Variants in FNDC1 observed in about 807,000 individuals in gnomAD.
The protein encoded by FNDC1 is fibronectin type III domain containing 1.
FNDC1 carries 96 observed loss-of-function variants against 168.0 expected under a neutral mutation model. The observed-to-expected ratio is 0.57, with a 90% CI of 0.48 to 0.68. The LOEUF is 0.68. FNDC1 is among the 30% of genes least tolerant of loss of function. The pLI, the probability that FNDC1 is intolerant of heterozygous loss-of-function variation, is 0.00. For missense variants in FNDC1, 2,587 were observed against 2,482.1 expected (o/e 1.04, Z -0.90); for synonymous variants, 1,099 against 1,025.9 (o/e 1.07, Z -1.36).
intron 4 of FNDC1, among the ~76,000 whole-genome samples, chr6:159,202,322 A>G (rs1279904613): frequency 6.6e-6 from 1 of 152,270 alleles, no homozygotes; most frequent in Non-Finnish European, 1.5e-5. Context: ...TAATAAAAAT[A>G]ATAATTTATG....
At chr6:159,223,997 G>A (rs1782900630) in intron 7 of FNDC1, among the ~76,000 whole-genome samples, 1 of 152,206 alleles carries the variant, frequency 6.6e-6, no homozygotes, top group Admixed American at 6.5e-5. Flanking sequence ...CATGCACAGG[G>A]TCCACTTTGG....
intron 1 of FNDC1, among the ~76,000 whole-genome samples, chr6:159,195,613 A>AGCACAGAAATTATTCTGTGCTGT (rs1397894634): frequency 6.6e-6 from 1 of 152,202 alleles, no homozygotes; most frequent in Non-Finnish European, 1.5e-5. Flanking sequence ...TGTGTGACTC[A>AGCACAGAAATTATTCTGTGCTGT]GCACAGAAAT....
chr6:159,208,130 G>A (rs1346515951), intron 4 of FNDC1, among the ~76,000 whole-genome samples: 1 of 152,192 alleles, frequency 6.6e-6, no homozygotes, highest in Non-Finnish European at 1.5e-5. Flanking sequence ...TTCATATCCA[G>A]TCCCCCAAAG....
At chr6:159,237,920 C>T (rs1783301394) in intron 12 of FNDC1, among the ~76,000 whole-genome samples, 1 of 152,202 alleles carries the variant, frequency 6.6e-6, no homozygotes, top group Non-Finnish European at 1.5e-5. Context: ...GGATGGGCCA[C>T]AAATTATTTA....
intron 2 of FNDC1, among the ~76,000 whole-genome samples, chr6:159,198,686 T>C (rs1196791232): frequency 1.3e-5 from 2 of 152,158 alleles, no homozygotes; most frequent in Non-Finnish European, 2.9e-5. Flanking sequence ...GAAAAACATG[T>C]GAAAAGAGAG....
Position 159,239,712 on chromosome 6 carries a change from C to T in FNDC1, c.4376C>T (p.Pro1459Leu). 2 of 1,549,130 alleles carry T rather than the reference C, an allele frequency of 1.3e-6. No homozygotes were observed. The highest frequency in any genetic ancestry group is 1.7e-6 in the Non-Finnish European group (2 of 1,145,364). ...ATGCAGCCCACCACTACTACGACGC[C>T]CCTGCCTACCACTACAACCCCGAGG... ...TTMQPTTTTT[P>L]LPTTTTPRPT... Residue 1459 changes from proline to leucine, a missense_variant, in exon 14 of 23, where the codon CCC becomes CTC. Coordinates refer to ENST00000297267, the MANE Select transcript of FNDC1 (RefSeq NM_032532.3).
At chr6:159,224,557 CT>C (rs34006770) in intron 7 of FNDC1, among the ~76,000 whole-genome samples, 3 of 151,898 alleles carry the variant, frequency 2.0e-5, no homozygotes, top group Non-Finnish European at 4.4e-5. Flanking sequence ...AAGATAGCTG[CT>C]TTTTTTTGAA....
At chr6:159,183,962 T>C (rs1345824618) in intron 1 of FNDC1, among the ~76,000 whole-genome samples, 2 of 152,258 alleles carry the variant, frequency 1.3e-5, no homozygotes, top group Non-Finnish European at 2.9e-5. Context: ...TTTATACTTA[T>C]TGCTTTTAAT....
intron 14 of FNDC1, among the ~76,000 whole-genome samples, chr6:159,246,371 C>T (rs1583907953): frequency 6.6e-6 from 1 of 152,340 alleles, no homozygotes; most frequent in Middle Eastern, 3.4e-3. Flanking sequence ...AAATTACCCT[C>T]TTCTAGAATA....
chr6:159,195,879 T>C (rs1583862459), intron 1 of FNDC1, among the ~76,000 whole-genome samples: 1 of 152,222 alleles, frequency 6.6e-6, no homozygotes, highest in East Asian at 1.9e-4. Context: ...AAGTGCGATA[T>C]GTATATTCAT....
chr6:159,227,568 A>C (rs1782978265), intron 9 of FNDC1, among the ~76,000 whole-genome samples: 1 of 150,710 alleles, frequency 6.6e-6, no homozygotes. Flanking sequence ...AGGAAGGTCG[A>C]TGTGGAACTG....
At chr6:159,261,108 T>G in intron 18 of FNDC1, 82 bp from the exon 19 acceptor site, 1 of 990,194 alleles carries the variant, frequency 1.0e-6, no homozygotes, top group Non-Finnish European at 1.6e-6. Context: ...ACGGTTCAGG[T>G]GTTCAGTAGT....
Position 159,229,886 on chromosome 6 carries a change from A to G in FNDC1, c.1252A>G (p.Thr418Ala), listed in dbSNP as rs1237465527. Residue 418 changes from threonine (T) to alanine (A), a missense_variant, in exon 10 of 23, where the codon ACT (threonine) becomes GCT (alanine). Transcript: ENST00000297267. ...GTCCCTCACCTATCCTGGAGACACT[A>G]CTTCTGCCCTGGTGGATGGTCTGCA... is the stretch of plus-strand genomic sequence containing the variant. ...AKSLTYPGDT[T>A]SALVDGLQPG... 2 of 1,613,890 alleles carry G rather than the reference A, an allele frequency of 1.2e-6. No homozygotes were observed. The highest frequency in any genetic ancestry group is 2.7e-5 in the African/African-American group (2 of 75,012).
Position 159,213,199 on chromosome 6 carries a change from G to C in FNDC1, c.461-1746G>C, listed in dbSNP as rs139720290. ...AGGCCAGAGCCTGGAAGGGGGAAGCGTGTGCAATGAGCAGAAAGCTGTTGT... is the reference window on the plus strand; with the variant it reads ...AGGCCAGAGCCTGGAAGGGGGAAGCCTGTGCAATGAGCAGAAAGCTGTTGT... On this transcript the variant is annotated intron_variant, in intron 4 of 22. Transcript: ENST00000297267. Among the ~76,000 whole-genome samples the C allele has an allele frequency of 3.8e-3, 575 of 152,310 alleles. 4 individuals are homozygous for C. Among genetic ancestry groups the C allele is most frequent in the African/African-American group, 0.013 (551 of 41,564 alleles).
At chr6:159,269,289 T>TCC (rs1777671548) in intron 22 of FNDC1, among the ~76,000 whole-genome samples, 1 of 45,018 alleles carries the variant, frequency 2.2e-5, no homozygotes, top group African/African-American at 4.3e-5. Context: ...TCTATCTATC[T>TCC]ATCCATCCAT....
At chr6:159,208,329 G>A (rs963438730) in intron 4 of FNDC1, among the ~76,000 whole-genome samples, 6 of 152,176 alleles carry the variant, frequency 3.9e-5, no homozygotes, top group Admixed American at 2.6e-4. Context: ...GATAAGCTAC[G>A]GCCACAGATG....
chr6:159,188,109 A>C (rs910684572), intron 1 of FNDC1, among the ~76,000 whole-genome samples: 1 of 152,254 alleles, frequency 6.6e-6, no homozygotes, highest in Non-Finnish European at 1.5e-5. Flanking sequence ...AACAAAGATG[A>C]AGTAGGGAGA....
At chr6:159,255,306 T>C (rs983587685) in intron 17 of FNDC1, among the ~76,000 whole-genome samples, 4 of 152,190 alleles carry the variant, frequency 2.6e-5, no homozygotes, top group African/African-American at 9.7e-5. Context: ...GGATTCCCAC[T>C]ACCTGGAATC....
At chr6:159,245,401 C>T (rs1326018019) in intron 14 of FNDC1, among the ~76,000 whole-genome samples, 1 of 152,186 alleles carries the variant, frequency 6.6e-6, no homozygotes, top group Non-Finnish European at 1.5e-5. Context: ...CCCACCTTGC[C>T]CCCTTTTGAG....
Sources: allele counts gnomAD v4.1 joint callset (sites outside exome capture counted in the v4.1 genomes callset), GRCh38; gene constraint gnomAD v4.1.1; transcripts MANE v1.5; gene names NCBI Gene and HGNC (gene_info 2026-07-23, HGNC 2026-07-21).